The following CALN1 variants were observed in gnomAD, a reference collection of about 807,000 sequenced individuals.
CALN1 encodes calcium-binding protein 8.
A neutral mutation model predicts 30.6 loss-of-function variants in CALN1; 17 were observed. That is an observed-to-expected ratio of 0.56 (90% CI 0.38 to 0.83). CALN1 has a LOEUF of 0.83. Among genes scored for constraint, CALN1 ranks in the 40% least tolerant of loss-of-function variants. The pLI is 0.00. For missense variants in CALN1, 291 were observed against 354.9 expected, an observed-to-expected ratio of 0.82 and a Z score of 1.45; for synonymous variants, 156 against 131.4, an observed-to-expected ratio of 1.19 and a Z score of -1.28.
intron 5 of CALN1, among the ~76,000 whole-genome samples, chr7:71,960,743 C>T (rs1797208650): frequency 6.6e-6 from 1 of 152,130 alleles, no homozygotes; most frequent in Non-Finnish European, 1.5e-5. Context: ...TTATATTCTT[C>T]CACTCTCTAC....
chr7:72,092,625 TAAAAAAAAAAAAA>T (rs369445548), intron 4 of CALN1, among the ~76,000 whole-genome samples: 4 of 106,280 alleles, frequency 3.8e-5, no homozygotes, highest in Admixed American at 2.1e-4. Flanking sequence ...TGTATTCTAG[TAAAAAAAAAAAAA>T]AAAAAAAAAA....
At chr7:71,828,833 C>G (rs1441577139) in intron 5 of CALN1, among the ~76,000 whole-genome samples, 2 of 151,742 alleles carry the variant, frequency 1.3e-5, no homozygotes, top group Non-Finnish European at 2.9e-5. Flanking sequence ...ATGGCAACCT[C>G]CGCCTTCCAG....
chr7:72,142,050 G>A (rs150129491), intron 3 of CALN1, among the ~76,000 whole-genome samples: 102 of 152,262 alleles, frequency 6.7e-4, no homozygotes, highest in African/African-American at 2.1e-3. Flanking sequence ...CGTGAGCGAC[G>A]CAGAAGACAG....
At chr7:71,857,555 TC>T (rs1584384434) in intron 5 of CALN1, among the ~76,000 whole-genome samples, 3 of 152,006 alleles carry the variant, frequency 2.0e-5, no homozygotes, top group African/African-American at 7.2e-5. Context: ...TCATCCTGTC[TC>T]CAGACAACTG....
chr7:72,157,366 T>A (rs887515520), intron 3 of CALN1, among the ~76,000 whole-genome samples: 1 of 152,104 alleles, frequency 6.6e-6, no homozygotes, highest in African/African-American at 2.4e-5. Context: ...ATCCCAGCAC[T>A]TTAAGAGGCC....
intron 1 of CALN1, among the ~76,000 whole-genome samples, chr7:72,432,364 A>G (rs2909983): frequency 0.8 from 121,759 of 152,094 alleles, 48,972 homozygotes; most frequent in East Asian, 0.99. Flanking sequence ...CCAGCCTTGG[A>G]TATGTCTTTA....
At chr7:72,193,199 AAAGAG>A (rs1346230791) in intron 3 of CALN1, among the ~76,000 whole-genome samples, 4 of 121,628 alleles carry the variant, frequency 3.3e-5, no homozygotes, top group Admixed American at 2.5e-4. Context: ...AAAAAAAAGA[AAAGAG>A]AAAAAAAAAA....
intron 3 of CALN1, among the ~76,000 whole-genome samples, chr7:72,209,181 C>T (rs1416914613): frequency 2.3e-4 from 33 of 144,442 alleles, no homozygotes; most frequent in African/African-American, 8.3e-4. Flanking sequence ...TCCTTCCCTC[C>T]TTCCCTCTTT....
At chr7:72,339,298 G>T (rs1368228804) in intron 2 of CALN1, among the ~76,000 whole-genome samples, 1 of 152,042 alleles carries the variant, frequency 6.6e-6, no homozygotes, top group Non-Finnish European at 1.5e-5. Context: ...ATACCTCTTC[G>T]ATATACTAAT....
At chr7:71,884,389 A>C (rs1792772888) in intron 5 of CALN1, among the ~76,000 whole-genome samples, 1 of 152,110 alleles carries the variant, frequency 6.6e-6, no homozygotes, top group Non-Finnish European at 1.5e-5. Context: ...AAAACACTGG[A>C]CAGGGCGGAC....
intron 5 of CALN1, among the ~76,000 whole-genome samples, chr7:71,967,528 C>T (rs1562942998): frequency 6.7e-6 from 1 of 149,814 alleles, no homozygotes; most frequent in Non-Finnish European, 1.5e-5. Context: ...ACTCAGGAGG[C>T]TGAGGTGGAA....
At chr7:72,353,331 A>G (rs1033008812) in intron 2 of CALN1, among the ~76,000 whole-genome samples, 4 of 152,218 alleles carry the variant, frequency 2.6e-5, no homozygotes, top group African/African-American at 9.6e-5. Flanking sequence ...GCCTTAACAT[A>G]TATTAGCAAG....
intron 4 of CALN1, among the ~76,000 whole-genome samples, chr7:72,079,761 CT>C (rs3065015): frequency 6.5e-3 from 676 of 104,016 alleles, no homozygotes; most frequent in Middle Eastern, 0.012. Flanking sequence ...TGCCTTTTTC[CT>C]TTTTTTTTTT....
At chr7:72,143,499 T>C (rs1810110920) in intron 3 of CALN1, among the ~76,000 whole-genome samples, 2 of 152,144 alleles carry the variant, frequency 1.3e-5, no homozygotes, top group South Asian at 2.1e-4. Flanking sequence ...CTACGACTGA[T>C]TGGTGTACCT....
At chr7:72,388,432 A>G (rs901238115) in intron 2 of CALN1, among the ~76,000 whole-genome samples, 16 of 152,126 alleles carry the variant, frequency 1.1e-4, no homozygotes, top group African/African-American at 3.6e-4. Context: ...CAGAAAAAGG[A>G]CATTAAGTAC....
intron 5 of CALN1, among the ~76,000 whole-genome samples, chr7:71,971,977 GAA>G (rs1562946756): frequency 1.0e-5 from 1 of 98,812 alleles, no homozygotes; most frequent in South Asian, 3.4e-4. Context: ...AAGAAAGAAA[GAA>G]AGAAAGAAAG....
chr7:72,005,191 T>C (rs1562969867), intron 5 of CALN1, among the ~76,000 whole-genome samples: 2 of 152,202 alleles, frequency 1.3e-5, no homozygotes, highest in Admixed American at 1.3e-4. Context: ...TGCATACAAA[T>C]GGTCGCAGCA....
chr7:72,405,488 A>AC (rs939791963), intron 1 of CALN1, among the ~76,000 whole-genome samples: 3 of 151,928 alleles, frequency 2.0e-5, no homozygotes, highest in Non-Finnish European at 2.9e-5. Flanking sequence ...AGGAGCACTC[A>AC]CCCCCACACC....
intron 3 of CALN1, among the ~76,000 whole-genome samples, chr7:72,146,461 T>C (rs981026628): frequency 1.3e-5 from 2 of 151,904 alleles, no homozygotes; most frequent in Non-Finnish European, 2.9e-5. Flanking sequence ...CTCAACGAAA[T>C]AAAAGAGGAT....
Sources: gnomAD v4.1 joint callset for allele counts (sites outside exome capture counted in the v4.1 genomes callset) on GRCh38, gnomAD v4.1.1 for gene constraint, MANE v1.5 for transcripts, NCBI Gene and HGNC (gene_info 2026-07-23, HGNC 2026-07-21) for gene names.